Variants in CFAP299 observed in about 807,000 individuals in gnomAD.
CFAP299 encodes cilia- and flagella-associated protein 299.
In CFAP299, 21 loss-of-function variants were observed where a neutral mutation model predicts 27.0. The ratio of observed to expected loss-of-function variants is 0.78; its 90% CI spans 0.55 to 1.12. The LOEUF is 1.12. Among genes scored for constraint, CFAP299 ranks in the 50% most tolerant of loss-of-function variants. CFAP299 has a pLI of 0.00. For synonymous variants in CFAP299, 104 were observed against 98.1 expected (o/e 1.06, Z -0.36); for missense variants, 310 against 276.6 (o/e 1.12, Z -0.86).
At chr4:80,912,253 C>T (rs751308609) in intron 4 of CFAP299, among the ~76,000 whole-genome samples, 1 of 152,154 alleles carries the variant, frequency 6.6e-6, no homozygotes, top group African/African-American at 2.4e-5. Context: ...ATTACCTCCA[C>T]TGGGAAAATT....
intron 1 of CFAP299, among the ~76,000 whole-genome samples, chr4:80,348,199 A>G (rs572154830): frequency 1.3e-5 from 2 of 152,358 alleles, no homozygotes; most frequent in Non-Finnish European, 1.5e-5. Flanking sequence ...CAACCCTAAA[A>G]GAAAATCTAG....
intron 3 of CFAP299, among the ~76,000 whole-genome samples, chr4:80,826,308 CA>C (rs543808987): frequency 6.6e-6 from 1 of 150,872 alleles, no homozygotes; most frequent in Non-Finnish European, 1.5e-5. Context: ...AAATGAGGGA[CA>C]AAAAATCTTA....
chr4:80,495,671 C>T (rs937723712), intron 2 of CFAP299, among the ~76,000 whole-genome samples: 9 of 152,286 alleles, frequency 5.9e-5, no homozygotes, highest in Non-Finnish European at 1.0e-4. Context: ...AGATGTATTA[C>T]GCTATTCTCA....
intron 3 of CFAP299, among the ~76,000 whole-genome samples, chr4:80,693,206 C>G (rs1348109985): frequency 6.6e-6 from 1 of 152,008 alleles, no homozygotes; most frequent in Non-Finnish European, 1.5e-5. Context: ...GGTATATACC[C>G]AAAGGACTAT....
chr4:80,530,053 AAT>A (rs756059562), intron 2 of CFAP299, among the ~76,000 whole-genome samples: 4 of 152,214 alleles, frequency 2.6e-5, no homozygotes, highest in Non-Finnish European at 5.9e-5. Flanking sequence ...TTCAGACTAT[AAT>A]TACTAATTTT....
chr4:80,926,624 G>GATGGC (rs1323201953), intron 4 of CFAP299, among the ~76,000 whole-genome samples: 1 of 152,016 alleles, frequency 6.6e-6, no homozygotes. Context: ...TCCTGGGGAA[G>GATGGC]ATGGCAGTGT....
chr4:80,640,665 GT>G (rs1471916578), intron 3 of CFAP299, among the ~76,000 whole-genome samples: 2 of 152,070 alleles, frequency 1.3e-5, no homozygotes, highest in Non-Finnish European at 2.9e-5. Flanking sequence ...GTGACACTAG[GT>G]ATTACCTATC....
At chr4:80,534,703 GC>G (rs1357045287) in intron 2 of CFAP299, among the ~76,000 whole-genome samples, 5 of 151,968 alleles carry the variant, frequency 3.3e-5, no homozygotes, top group Admixed American at 2.6e-4. Context: ...TAAATGATAG[GC>G]CCATATGACA....
intron 3 of CFAP299, among the ~76,000 whole-genome samples, chr4:80,722,885 C>T (rs576838041): frequency 3.3e-5 from 5 of 151,104 alleles, no homozygotes; most frequent in East Asian, 1.9e-4. Flanking sequence ...TGGGTGACAG[C>T]GAGATTCCGT....
chr4:80,611,052 C>G (rs1054966827), intron 3 of CFAP299, among the ~76,000 whole-genome samples: 2 of 152,084 alleles, frequency 1.3e-5, no homozygotes, highest in African/African-American at 4.8e-5. Flanking sequence ...ACTCAATTCC[C>G]TTGAGACAGT....
At chr4:80,652,042 A>G (rs1037347798) in intron 3 of CFAP299, among the ~76,000 whole-genome samples, 1 of 152,164 alleles carries the variant, frequency 6.6e-6, no homozygotes, top group African/African-American at 2.4e-5. Context: ...AGAAGAAACA[A>G]TTCTCAGGAA....
intron 3 of CFAP299, among the ~76,000 whole-genome samples, chr4:80,799,560 A>C (rs778475457): frequency 2.2e-4 from 15 of 69,086 alleles, no homozygotes; most frequent in African/African-American, 8.7e-4. Context: ...TAATATATTT[A>C]ATAAATATAT....
chr4:80,528,448 C>T (rs1443267174), intron 2 of CFAP299, among the ~76,000 whole-genome samples: 1 of 152,078 alleles, frequency 6.6e-6, no homozygotes, highest in Non-Finnish European at 1.5e-5. Context: ...GGAAAGATGG[C>T]TAGATTCTCC....
At chr4:80,412,443 A>G (rs1726768953) in intron 2 of CFAP299, among the ~76,000 whole-genome samples, 1 of 152,226 alleles carries the variant, frequency 6.6e-6, no homozygotes, top group Admixed American at 6.5e-5. Flanking sequence ...TCAGAGAGGA[A>G]TAACGCATGA....
chr4:80,621,011 C>CT lies in CFAP299; in HGVS notation c.333+37837dup, dbSNP rs200607829. 3.8e-3 allele frequency among the ~76,000 whole-genome samples: 573 copies of CT among 151,450 alleles called. 6 individuals carry two copies. Among genetic ancestry groups the CT allele is most frequent in the African/African-American group, 0.01 (423 of 41,332 alleles). On this transcript the variant is annotated intron_variant, in intron 3 of 5. Coordinates refer to ENST00000358105, the MANE Select transcript of CFAP299 (RefSeq NM_152770.3). ...GTTCCGCACTTACCTAACAGCCTAT[C>CT]TTTTTTTTTATCATTAACCAAGTAA... is the stretch of plus-strand genomic sequence containing the variant.
chr4:80,813,848 G>C (rs565606182), intron 3 of CFAP299, among the ~76,000 whole-genome samples: 1 of 151,516 alleles, frequency 6.6e-6, no homozygotes, highest in Non-Finnish European at 1.5e-5. Flanking sequence ...TCCAGAAAAG[G>C]AAAAAAACAA....
chr4:80,527,294 GT>G (rs1022460212), intron 2 of CFAP299, among the ~76,000 whole-genome samples: 2 of 149,966 alleles, frequency 1.3e-5, no homozygotes, highest in Non-Finnish European at 2.9e-5. Flanking sequence ...CATATTGGAG[GT>G]TTTTTTTTAA....
intron 3 of CFAP299, among the ~76,000 whole-genome samples, chr4:80,852,537 G>T (rs895869921): frequency 2.0e-5 from 3 of 152,122 alleles, no homozygotes; most frequent in Non-Finnish European, 4.4e-5. Flanking sequence ...CAAACAAAAA[G>T]TTTGATTCTA....
intron 3 of CFAP299, among the ~76,000 whole-genome samples, chr4:80,716,844 A>G (rs1722515204): frequency 6.6e-6 from 1 of 152,182 alleles, no homozygotes. Flanking sequence ...ATGATCTCTG[A>G]TGGTCTGTGG....
Sources: gnomAD v4.1 joint callset for allele counts (sites outside exome capture counted in the v4.1 genomes callset) on GRCh38, gnomAD v4.1.1 for gene constraint, MANE v1.5 for transcripts, NCBI Gene and HGNC (gene_info 2026-07-23, HGNC 2026-07-21) for gene names.